Variants in EML4 observed in about 807,000 individuals in gnomAD.
The protein encoded by EML4 is echinoderm microtubule-associated protein-like 4.
EML4 carries 72 observed loss-of-function variants against 129.0 expected under a neutral mutation model. The ratio of observed to expected loss-of-function variants is 0.56; its 90% CI spans 0.46 to 0.68. The LOEUF (loss-of-function observed/expected upper bound fraction) is 0.68, where lower values mean the gene tolerates loss of function less well. Among genes scored for constraint, EML4 ranks in the 30% least tolerant of loss-of-function variants. EML4 has a pLI of 0.00. For missense variants in EML4, 1,363 were observed against 1,190.6 expected, an observed-to-expected ratio of 1.14 and a Z score of -2.13; for synonymous variants, 532 against 405.0, an observed-to-expected ratio of 1.31 and a Z score of -3.77.
chr2:42,240,642 C>G (rs989295527), intron 1 of EML4, among the ~76,000 whole-genome samples: 1 of 152,132 alleles, frequency 6.6e-6, no homozygotes, highest in African/African-American at 2.4e-5. Context: ...CTTATTTAAC[C>G]TCATCCTTAG....
At chr2:42,232,416 G>A (rs1353732406) in intron 1 of EML4, among the ~76,000 whole-genome samples, 1 of 152,152 alleles carries the variant, frequency 6.6e-6, no homozygotes, top group East Asian at 1.9e-4. Flanking sequence ...GAAGAGTATA[G>A]TTGACACCTG....
At chr2:42,272,999 G>A (rs902579356) in intron 6 of EML4, among the ~76,000 whole-genome samples, 1 of 152,084 alleles carries the variant, frequency 6.6e-6, no homozygotes, top group African/African-American at 2.4e-5. Context: ...TTAATGTTCT[G>A]CTGAGGCCTC....
At position 42,278,936 on chromosome 2, in the gene EML4, G is replaced by GAA. The variant is rs35126751; in HGVS notation, c.668-1903_668-1902dup. Among the ~76,000 whole-genome samples the GAA allele has an allele frequency of 8.0e-3, 1,183 of 148,578 alleles. 23 individuals are homozygous for GAA. The highest frequency in any genetic ancestry group is 0.025 in the African/African-American group (1,001 of 40,502). ...GGGCAACAAGAGCGAAACTCTCTTG[G>GAA]AAAAAAAAAAAATGTATTGATTTGA... On this transcript the variant is annotated intron_variant, in intron 6 of 22. Transcript: ENST00000318522.
At chr2:42,216,148 G>A (rs1409063166) in intron 1 of EML4, among the ~76,000 whole-genome samples, 1 of 149,536 alleles carries the variant, frequency 6.7e-6, no homozygotes, top group Non-Finnish European at 1.5e-5. Context: ...TCAAACTCCT[G>A]ACCTCAGGTG....
intron 1 of EML4, among the ~76,000 whole-genome samples, chr2:42,233,664 A>C (rs1406146339): frequency 6.6e-6 from 1 of 152,106 alleles, no homozygotes; most frequent in African/African-American, 2.4e-5. Context: ...CAACTTGGAA[A>C]CTTAGTTAAG....
intron 1 of EML4, among the ~76,000 whole-genome samples, chr2:42,193,768 C>T (rs1337047961): frequency 6.6e-6 from 1 of 152,050 alleles, no homozygotes; most frequent in Non-Finnish European, 1.5e-5. Flanking sequence ...TCACTGCAGC[C>T]TTGACCTCCT....
intron 1 of EML4, among the ~76,000 whole-genome samples, chr2:42,196,112 G>T (rs1279213794): frequency 6.6e-6 from 1 of 152,144 alleles, no homozygotes. Context: ...AACCTTGTTT[G>T]TAAAATTTAC....
intron 6 of EML4, among the ~76,000 whole-genome samples, chr2:42,278,915 A>G (rs577724595): frequency 1.3e-3 from 195 of 146,710 alleles, no homozygotes; most frequent in Middle Eastern, 3.4e-3. Context: ...TAGCCTGGGC[A>G]ACAAGAGCGA....
At chr2:42,213,963 G>A (rs1041560355) in intron 1 of EML4, among the ~76,000 whole-genome samples, 3 of 152,126 alleles carry the variant, frequency 2.0e-5, no homozygotes, top group Admixed American at 1.3e-4. Context: ...CAGTTACTGA[G>A]TACCTATTAT....
chr2:42,270,892 A>G (rs1360578939), intron 6 of EML4, among the ~76,000 whole-genome samples: 1 of 152,006 alleles, frequency 6.6e-6, no homozygotes, highest in East Asian at 1.9e-4. Context: ...TCTAAAACCT[A>G]TGTATTTTCT....
chr2:42,272,299 C>A (rs1420307846), intron 6 of EML4, among the ~76,000 whole-genome samples: 1 of 152,156 alleles, frequency 6.6e-6, no homozygotes, highest in African/African-American at 2.4e-5. Flanking sequence ...ACTACACTCA[C>A]AATTCTCCAA....
chr2:42,311,093 C>G (rs561076649), intron 17 of EML4, among the ~76,000 whole-genome samples: 1 of 152,164 alleles, frequency 6.6e-6, no homozygotes, highest in Non-Finnish European at 1.5e-5. Flanking sequence ...TTGATAGTCA[C>G]TATCTCTAAC....
At position 42,173,919 on chromosome 2, in the gene EML4, A is replaced by T. The variant is rs74517950; in HGVS notation, c.25+4283A>T. Among the ~76,000 whole-genome samples the T allele has an allele frequency of 8.6e-3, 1,305 of 152,334 alleles. 17 individuals are homozygous for T. Among genetic ancestry groups the T allele is most frequent in the African/African-American group, 0.03 (1,240 of 41,564 alleles). On this transcript the variant is annotated intron_variant, in intron 1 of 22. Coordinates refer to ENST00000318522, the MANE Select transcript of EML4 (RefSeq NM_019063.5). The stretch of plus-strand genomic sequence containing the variant: ...TTAAGCCTAAGTACCAGAAATGGGG[A>T]TGAAGGGAGGAAGCACCATTTAGAA...
At chr2:42,213,458 C>G (rs891649766) in intron 1 of EML4, among the ~76,000 whole-genome samples, 2 of 152,162 alleles carry the variant, frequency 1.3e-5, no homozygotes, top group East Asian at 3.8e-4. Context: ...TACCCAGTCT[C>G]CTGTTGGACT....
intron 1 of EML4, among the ~76,000 whole-genome samples, chr2:42,190,481 T>G (rs1255593090): frequency 1.3e-5 from 2 of 152,206 alleles, no homozygotes; most frequent in Non-Finnish European, 2.9e-5. Flanking sequence ...GTTTTTCAGC[T>G]TGATCAACTT....
intron 3 of EML4, among the ~76,000 whole-genome samples, chr2:42,259,722 C>CTTTTTTTTTT (rs780243101): frequency 2.5e-4 from 25 of 98,316 alleles, no homozygotes; most frequent in South Asian, 1.2e-3. Flanking sequence ...TTCTTTCTTT[C>CTTTTTTTTTT]TTTTTTTTTT....
Position 42,273,064 on chromosome 2 carries a change from T to C in EML4, c.668-7786T>C, listed in dbSNP as rs548176391. 4.5e-4 allele frequency among the ~76,000 whole-genome samples: 69 copies of C among 152,286 alleles called. 1 individual carries two copies. The South Asian group carries it at 0.014, about 31-fold the overall frequency. On this transcript the variant is annotated intron_variant, in intron 6 of 22. Transcript: ENST00000318522. ...GAAAGCAGAGCCAGGGTGTTAAATA[T>C]TTTGACATTTGAAGTTTCCTTTTCA...
chr2:42,293,312 A>G (rs79866830), intron 11 of EML4, among the ~76,000 whole-genome samples: 41,714 of 151,906 alleles, frequency 0.27, 6,263 homozygotes, highest in East Asian at 0.57. Context: ...TATGTTGCAC[A>G]GTTGATCTCT....
At chr2:42,206,756 A>G (rs1406954567) in intron 1 of EML4, among the ~76,000 whole-genome samples, 1 of 152,190 alleles carries the variant, frequency 6.6e-6, no homozygotes, top group Non-Finnish European at 1.5e-5. Context: ...TGCATCATGT[A>G]TATTATTTTT....
Sources: allele counts gnomAD v4.1 joint callset (sites outside exome capture counted in the v4.1 genomes callset), GRCh38; gene constraint gnomAD v4.1.1; transcripts MANE v1.5; gene names NCBI Gene and HGNC (gene_info 2026-07-23, HGNC 2026-07-21).